Variants in MTX3 observed in about 807,000 individuals in gnomAD.
MTX3 encodes the protein metaxin 3, also known as metaxin-3.
Under a neutral mutation model 42.5 loss-of-function variants are expected in MTX3, and 27 were observed. The observed-to-expected ratio is 0.64, with a 90% CI of 0.47 to 0.88. The LOEUF (loss-of-function observed/expected upper bound fraction) is 0.88. Among genes scored for constraint, MTX3 ranks in the 40% least tolerant of loss-of-function variants. The pLI is 0.00. For synonymous variants in MTX3, 144 were observed against 132.9 expected, an observed-to-expected ratio of 1.08 and a Z score of -0.57; for missense variants, 378 against 367.0, an observed-to-expected ratio of 1.03 and a Z score of -0.25.
chr5:79,980,256 C>T lies in MTX3; in HGVS notation c.*3428G>A, dbSNP rs1831342799. 6.6e-6 allele frequency: 1 copy of T among 152,108 alleles called. No individual in the cohort carries two copies. Among genetic ancestry groups the T allele is most frequent in the Admixed American group, 6.5e-5 (1 of 15,278 alleles). The allele number at this position is 152,108 out of a possible 1,614,324, so 9.4% of individuals were successfully genotyped here. The stretch of plus-strand genomic sequence containing the variant: ...CCAACAGGTTTTCTAAGATACTATC[C>T]CCCTTACCTGTTTCTGCCTCTTTCA... On this transcript the variant is annotated 3_prime_UTR_variant, in exon 9 of 9. Coordinates refer to ENST00000512528, the MANE Select transcript of MTX3 (RefSeq NM_001363818.2).
Position 79,983,730 on chromosome 5 carries a change from G to A in MTX3, c.893C>T (p.Thr298Ile). The stretch of plus-strand genomic sequence containing the variant: ...GGAATTATTTTCTTCTTCTGCTGGA[G>A]TCAATTTAAGTGTTGGCAGTTTCCG... ...PPRKLPTLKL[T>I]PAEEENNSFQ... Residue 298 changes from threonine (T) to isoleucine (I), a missense_variant, in exon 9 of 9, where the codon ACT becomes ATT. Physicochemically the swap from Thr to Ile is moderately conservative, Grantham distance 89 (BLOSUM62 -1). Transcript: ENST00000512528. 1.9e-6 allele frequency: 3 copies of A among 1,613,956 alleles called. No individual in the cohort carries two copies. Among genetic ancestry groups the A allele is most frequent in the Non-Finnish European group, 2.5e-6 (3 of 1,179,842 alleles).
chr5:79,982,791 ATTTCTACT>A lies in MTX3; in HGVS notation c.*885_*892del, dbSNP rs1391385202. The A allele has an allele frequency of 5.2e-6, 1 of 192,014 alleles. No individual in the cohort carries two copies. The highest frequency in any genetic ancestry group is 1.1e-5 in the Non-Finnish European group (1 of 92,492). 11.9% of individuals were successfully genotyped at this position (192,014 alleles called of 1,614,324 possible). A position where few individuals can be genotyped will look rare whatever the true frequency, so the allele number is the denominator to read the frequency against. On this transcript the variant is annotated 3_prime_UTR_variant, in exon 9 of 9. Transcript: ENST00000512528. ...AGAAAACTTGGACCAGATGCACAGTATTTCTACTACCCTGGCCATGGGCTCCTCCTGAG... is the reference window on the plus strand; with the variant it reads ...AGAAAACTTGGACCAGATGCACAGTAACCCTGGCCATGGGCTCCTCCTGAG...
rs376089467 is a variant in MTX3, at chr5:79,986,904, T to C, written c.739+46A>G. ...GTAGTGGATTTTGCTTATACATACATAGGAGAATATGCAAACAAACATTAG... is the reference window on the plus strand; with the variant it reads ...GTAGTGGATTTTGCTTATACATACACAGGAGAATATGCAAACAAACATTAG... On this transcript the variant is annotated intron_variant, in intron 7 of 8. Coordinates refer to ENST00000512528, the MANE Select transcript of MTX3 (RefSeq NM_001363818.2). 7 of 1,589,822 alleles carry C rather than the reference T, an allele frequency of 4.4e-6. No individual in the cohort carries two copies. The African/African-American group carries it at 8.1e-5, about 18-fold the overall frequency.
intron 7 of MTX3, among the ~76,000 whole-genome samples, chr5:79,986,140 C>T (rs1276835161): frequency 6.6e-6 from 1 of 152,060 alleles, no homozygotes; most frequent in Non-Finnish European, 1.5e-5. Context: ...CTAAAAGATT[C>T]TAATTTAGTA....
rs1391302066 is a variant in MTX3 at position 79,987,087 on chromosome 5, T to C, written c.602A>G (p.Tyr201Cys). ...AAGAGGTGCAAGAAAACCAAAAACA[T>C]AGGCATCCAAGGTAGAAGGCCTAGA... ...FGDTPSTLDA[Y>C]VFGFLAPLYK... The change falls in exon 7 of 9, where the codon TAT becomes TGT. Residue 201 changes from tyrosine (Y) to cysteine (C), a missense_variant. By Grantham distance (194) the Tyr-to-Cys change is radical. Transcript: ENST00000512528. The C allele has an allele frequency of 1.3e-5, 21 of 1,613,758 alleles. No individual in the cohort carries two copies. Among genetic ancestry groups the C allele is most frequent in the Non-Finnish European group, 1.7e-5 (20 of 1,179,852 alleles).
rs1179748509 is a variant in MTX3 at position 79,980,392 on chromosome 5, T to C, written c.*3292A>G. On this transcript the variant is annotated 3_prime_UTR_variant, in exon 9 of 9. Coordinates refer to ENST00000512528, the MANE Select transcript of MTX3 (RefSeq NM_001363818.2). Reference sequence around the variant, plus strand: ...AGCAATATTGAATAGAAATTATAAATGGAAATAAAAATGCTTGCTTTTATA... The same window carrying C: ...AGCAATATTGAATAGAAATTATAAACGGAAATAAAAATGCTTGCTTTTATA... The C allele has an allele frequency of 6.6e-6, 1 of 152,188 alleles. No homozygotes were observed. The highest frequency in any genetic ancestry group is 1.5e-5 in the Non-Finnish European group (1 of 68,050). 9.4% of individuals were successfully genotyped at this position (152,188 alleles called of 1,614,324 possible). A position where few individuals can be genotyped will look rare whatever the true frequency, so the allele number is the denominator to read the frequency against.
chr5:79,984,992 T>C (rs1253124011), intron 8 of MTX3, among the ~76,000 whole-genome samples: 1 of 152,050 alleles, frequency 6.6e-6, no homozygotes, highest in Non-Finnish European at 1.5e-5. Context: ...TTTTTTTTTG[T>C]GTTTTTTCTG....
Position 79,991,247 on chromosome 5 carries a change from G to A in MTX3, c.-9C>T, listed in dbSNP as rs1443560893. The A allele has an allele frequency of 9.0e-6, 13 of 1,448,198 alleles. No homozygotes were observed. The highest frequency in any genetic ancestry group is 5.1e-5 in the East Asian group (2 of 39,456). 89.7% of individuals were successfully genotyped at this position (1,448,198 alleles called of 1,614,324 possible). A position where few individuals can be genotyped will look rare whatever the true frequency, so the allele number is the denominator to read the frequency against. ...TCCAAGGGGGCCGCCATCTTGCGCG[G>A]GCCGACCTTTACTATCCCGGAAGTA... On this transcript the variant is annotated 5_prime_UTR_variant, in exon 1 of 9. Coordinates refer to ENST00000512528, the MANE Select transcript of MTX3 (RefSeq NM_001363818.2).
intron 2 of MTX3, 145 bp downstream of exon 2, chr5:79,990,445 TACTC>T: frequency 1.5e-6 from 1 of 677,492 alleles, no homozygotes; most frequent in Non-Finnish European, 2.5e-6. Context: ...TTTGAGGTAT[TACTC>T]AGAATGATCA....
chr5:79,976,901 T>C lies in MTX3; in HGVS notation c.*6783A>G, dbSNP rs1359041706. 2 of 152,664 alleles carry C rather than the reference T, an allele frequency of 1.3e-5. No homozygotes were observed. The highest frequency in any genetic ancestry group is 2.4e-5 in the African/African-American group (1 of 41,460). 9.5% of individuals were successfully genotyped at this position (152,664 alleles called of 1,614,324 possible). A position where few individuals can be genotyped will look rare whatever the true frequency, so the allele number is the denominator to read the frequency against. On this transcript the variant is annotated 3_prime_UTR_variant, in exon 9 of 9. Transcript: ENST00000512528. ...CGGCAAGGCTAGAATATTGAAATTATGGCCAACATTGCTTACTTTAAGATT... is the reference window on the plus strand; with the variant it reads ...CGGCAAGGCTAGAATATTGAAATTACGGCCAACATTGCTTACTTTAAGATT...
Position 79,983,604 on chromosome 5 carries a change from T to A in MTX3, c.*80A>T. 5 of 994,982 alleles carry A rather than the reference T, an allele frequency of 5.0e-6. No homozygotes were observed. The highest frequency in any genetic ancestry group is 1.3e-5 in the South Asian group (1 of 77,650). The allele number at this position is 994,982 out of a possible 1,614,324, so 61.6% of individuals were successfully genotyped here. A position where few individuals can be genotyped will look rare whatever the true frequency, so the allele number is the denominator to read the frequency against. On this transcript the variant is annotated 3_prime_UTR_variant, in exon 9 of 9. Coordinates refer to ENST00000512528, the MANE Select transcript of MTX3 (RefSeq NM_001363818.2). ...GTCTTCCTTAATACCTATTATGGTATCTTCTTTTTGCCTTCACACACTTGG... is the reference window on the plus strand; with the variant it reads ...GTCTTCCTTAATACCTATTATGGTAACTTCTTTTTGCCTTCACACACTTGG...
chr5:79,985,576 C>CA lies in MTX3; in HGVS notation c.822dup (p.Glu275Ter). On this transcript the variant is annotated frameshift_variant, in exon 8 of 9. Transcript: ENST00000512528. LOFTEE classifies it high-confidence loss of function. Reference sequence around the variant, plus strand: ...ATGATTGAAGTAGACTTGACCTTTTCAATCAAGTTGGATTCCTTATTTACA... The same window carrying CA: ...ATGATTGAAGTAGACTTGACCTTTTCAAATCAAGTTGGATTCCTTATTTACA... 6.2e-7 allele frequency: 1 copy of CA among 1,602,084 alleles called. No homozygotes were observed. Among genetic ancestry groups the CA allele is most frequent in the Non-Finnish European group, 8.5e-7 (1 of 1,169,832 alleles).
At position 79,979,231 on chromosome 5, in the gene MTX3, T is replaced by C. The variant is rs2151138191; in HGVS notation, c.*4453A>G. Reference sequence around the variant, plus strand: ...AAACTAAAACTAATTTATCCTTATATCTCTGCAAAAATTAGCATTTTGAAC... The same window carrying C: ...AAACTAAAACTAATTTATCCTTATACCTCTGCAAAAATTAGCATTTTGAAC... On this transcript the variant is annotated 3_prime_UTR_variant, in exon 9 of 9. Coordinates refer to ENST00000512528, the MANE Select transcript of MTX3 (RefSeq NM_001363818.2). The C allele has an allele frequency of 6.6e-6, 1 of 152,314 alleles. No individual in the cohort carries two copies. The highest frequency in any genetic ancestry group is 2.1e-4 in the South Asian group (1 of 4,814). The allele number at this position is 152,314 out of a possible 1,614,324, so 9.4% of individuals were successfully genotyped here. A position where few individuals can be genotyped will look rare whatever the true frequency, so the allele number is the denominator to read the frequency against.
Position 79,988,630 on chromosome 5 carries a change from C to G in MTX3, c.336G>C (p.Trp112Cys), listed in dbSNP as rs866777626. The G allele has an allele frequency of 2.5e-6, 4 of 1,585,870 alleles. No individual in the cohort carries two copies. The highest frequency in any genetic ancestry group is 2.7e-5 in the African/African-American group (2 of 74,348). Reference protein sequence around the residue: ...KLLPAVLHTFWVESDNYFTVT... With the variant: ...KLLPAVLHTFCVESDNYFTVT... The stretch of plus-strand genomic sequence containing the variant: ...CAGTAAAGTAATTGTCACTCTCAAC[C>G]CAGAATGTGTGAAGCTGCAAAAGAA... Residue 112 changes from tryptophan to cysteine, a missense_variant, in exon 5 of 9, where the codon TGG becomes TGC. Trp to Cys is a radical substitution (Grantham distance 215). Coordinates refer to ENST00000512528, the MANE Select transcript of MTX3 (RefSeq NM_001363818.2).
intron 6 of MTX3, among the ~76,000 whole-genome samples, chr5:79,987,440 C>CAAA (rs397884673): frequency 5.9e-5 from 5 of 85,114 alleles, no homozygotes; most frequent in African/African-American, 1.3e-4. Flanking sequence ...GACTCCATCT[C>CAAA]AAAAAAAAAA....
In MTX3 at chr5:79,983,742, G is replaced by A. The variant is rs2151140452; in HGVS notation, c.881C>T (p.Thr294Ile). The change falls in exon 9 of 9, where the codon ACA (threonine) becomes ATA (isoleucine). Residue 294 changes from threonine (T) to isoleucine (I), a missense_variant. Physicochemically the swap from Thr to Ile is moderately conservative, Grantham distance 89. Coordinates refer to ENST00000512528, the MANE Select transcript of MTX3 (RefSeq NM_001363818.2). ...TTCTTCTGCTGGAGTCAATTTAAGT[G>A]TTGGCAGTTTCCGAGGAGGAAGCTG... The part of the protein sequence containing the change: ...SPQLPPRKLP[T>I]LKLTPAEEEN... The A allele has an allele frequency of 1.2e-6, 2 of 1,613,938 alleles. No individual in the cohort carries two copies. Among genetic ancestry groups the A allele is most frequent in the Non-Finnish European group, 1.7e-6 (2 of 1,179,838 alleles).
chr5:79,991,008 C>G (rs34727832), intron 1 of MTX3, 150 bp downstream of exon 1: 148,164 of 863,840 alleles, frequency 0.17, 13,930 homozygotes, highest in Admixed American at 0.25. Context: ...CAGGTTGGGA[C>G]TCGTCGGTGG....
rs1491481853 is a variant in MTX3, at chr5:79,990,555, AAG to A, written c.151+37_151+38del. ...CAGCTTTAAATGGAAGAAGAAAAAAAAGAGTGCAGAAAGGGGAGTGTAAAGGT... is the reference window on the plus strand; with the variant it reads ...CAGCTTTAAATGGAAGAAGAAAAAAAAGTGCAGAAAGGGGAGTGTAAAGGT... On this transcript the variant is annotated intron_variant, in intron 2 of 8. Transcript: ENST00000512528. 2.3e-5 allele frequency: 30 copies of A among 1,306,584 alleles called. No homozygotes were observed. In the African/African-American group the frequency reaches 3.1e-4, roughly 14 times the overall value. 80.9% of individuals were successfully genotyped at this position (1,306,584 alleles called of 1,614,324 possible).
chr5:79,988,717 G>A, intron 4 of MTX3, 73 bp from the exon 5 acceptor site: 1 of 1,308,850 alleles, frequency 7.6e-7, no homozygotes, highest in Non-Finnish European at 1.0e-6. Context: ...CAACATGAGA[G>A]TTTTTCATAA....
Sources: gnomAD v4.1 joint callset for allele counts (sites outside exome capture counted in the v4.1 genomes callset) on GRCh38, gnomAD v4.1.1 for gene constraint, MANE v1.5 for transcripts, NCBI Gene and HGNC (gene_info 2026-07-23, HGNC 2026-07-21) for gene names.